Variants in TFB1M observed in about 807,000 individuals in gnomAD.
The protein encoded by TFB1M is dimethyladenosine transferase 1, mitochondrial.
Under a neutral mutation model 31.1 loss-of-function variants are expected in TFB1M, and 27 were observed. That is an observed-to-expected ratio of 0.87 (90% CI 0.64 to 1.20). TFB1M has a LOEUF of 1.20. Ranked by LOEUF, TFB1M falls within the 50% of genes most tolerant of loss-of-function variation. TFB1M has a pLI of 0.00. For synonymous variants in TFB1M, 166 were observed against 151.8 expected, an observed-to-expected ratio of 1.09 and a Z score of -0.69; for missense variants, 394 against 418.7, an observed-to-expected ratio of 0.94 and a Z score of 0.51.
In TFB1M at chr6:155,301,019, G is replaced by A. The variant is rs142415895; in HGVS notation, c.286-2434C>T. 2.4e-3 allele frequency among the ~76,000 whole-genome samples: 365 copies of A among 152,082 alleles called. 1 individual carries two copies. Among genetic ancestry groups the A allele is most frequent in the Admixed American group, 3.4e-3 (52 of 15,286 alleles). On this transcript the variant is annotated intron_variant, in intron 2 of 6. Coordinates refer to ENST00000367166, the MANE Select transcript of TFB1M (RefSeq NM_016020.4). ...GAGGTTTCACCATGTTGCCCAGGCT[G>A]GTCTCTAACACCTGACCTCAAGTGA...
chr6:155,269,056 T>A (rs1180076181), intron 5 of TFB1M, among the ~76,000 whole-genome samples: 1 of 149,600 alleles, frequency 6.7e-6, no homozygotes, highest in African/African-American at 2.5e-5. Flanking sequence ...CAACCCACAG[T>A]GGACTTTGCA....
At chr6:155,259,586 C>G (rs539242970) in intron 6 of TFB1M, among the ~76,000 whole-genome samples, 43 of 152,382 alleles carry the variant, frequency 2.8e-4, no homozygotes, top group Non-Finnish European at 5.3e-4. Context: ...GTGCCTCTCA[C>G]GCCGAGCCTC....
the TFB1M span, chr6:155,250,897 T>C: frequency 6.2e-7 from 1 of 1,612,102 alleles, no homozygotes; most frequent in Non-Finnish European, 8.5e-7. Flanking sequence ...CCTTACCTCC[T>C]GTTTTTACAA....
downstream of TFB1M, chr6:155,254,301 G>C: frequency 7.3e-7 from 1 of 1,370,496 alleles, no homozygotes; most frequent in East Asian, 2.4e-5. Flanking sequence ...CTGCTGCTGG[G>C]TGGCTGGCTG....
At position 155,257,011 on chromosome 6, in the gene TFB1M, G is replaced by A; in HGVS notation, c.*825C>T. 6.2e-7 allele frequency: 1 copy of A among 1,614,168 alleles called. No homozygotes were observed. Among genetic ancestry groups the A allele is most frequent in the Non-Finnish European group, 8.5e-7 (1 of 1,180,028 alleles). ...GTCCCTTGACAGTCAGTCTGAAAATGCCACCATCGACCTAAATTCTGTTCT... is the reference window on the plus strand; with the variant it reads ...GTCCCTTGACAGTCAGTCTGAAAATACCACCATCGACCTAAATTCTGTTCT... On this transcript the variant is annotated 3_prime_UTR_variant, in exon 7 of 7. Transcript: ENST00000367166.
In TFB1M at chr6:155,269,324, C is replaced by CTTTTTTTTTTTTTT. The variant is rs60162262; in HGVS notation, c.667-8938_667-8925dup. On this transcript the variant is annotated intron_variant, in intron 5 of 6. Coordinates refer to ENST00000367166, the MANE Select transcript of TFB1M (RefSeq NM_016020.4). ...GCTTAGTTTTCTTTTCTTTTCTTTT[C>CTTTTTTTTTTTTTT]TTTTTTTTTTTTTTTGAGATGGAGT... 5.4e-4 allele frequency among the ~76,000 whole-genome samples: 69 copies of CTTTTTTTTTTTTTT among 127,218 alleles called. 1 individual carries two copies. The highest frequency in any genetic ancestry group is 1.8e-3 in the East Asian group (8 of 4,342). 83.5% of individuals were successfully genotyped at this position (127,218 alleles called of 152,430 possible).
chr6:155,292,393 C>G (rs967562597), intron 4 of TFB1M, among the ~76,000 whole-genome samples: 1 of 152,168 alleles, frequency 6.6e-6, no homozygotes, highest in African/African-American at 2.4e-5. Context: ...GAGCACTGAT[C>G]TGCAGGTGCC....
chr6:155,245,859 T>C, the TFB1M span: 7 of 549,896 alleles, frequency 1.3e-5, no homozygotes, highest in Admixed American at 3.7e-5. Flanking sequence ...ATCCTTGACC[T>C]TGACAGTGGC....
chr6:155,299,227 T>C (rs1052374025), intron 2 of TFB1M, among the ~76,000 whole-genome samples: 2 of 152,126 alleles, frequency 1.3e-5, no homozygotes, highest in African/African-American at 2.4e-5. Flanking sequence ...TCCCAACCTA[T>C]TTCCACGTAC....
At chr6:155,243,598 G>A in the TFB1M span, among the ~76,000 whole-genome samples, 1 of 152,130 alleles carries the variant, frequency 6.6e-6, no homozygotes, top group Non-Finnish European at 1.5e-5. Flanking sequence ...TGTAATGCTA[G>A]CACTTTGGGA....
Position 155,294,521 on chromosome 6 carries a change from A to C in TFB1M, c.546+2432T>G, listed in dbSNP as rs76327704. On this transcript the variant is annotated intron_variant, in intron 4 of 6. Coordinates refer to ENST00000367166, the MANE Select transcript of TFB1M (RefSeq NM_016020.4). ...AAAGAAAGGTGAGCAAAAAGCATGCACTAAAAACAAGGAACTCAAAAAGGC... is the reference window on the plus strand; with the variant it reads ...AAAGAAAGGTGAGCAAAAAGCATGCCCTAAAAACAAGGAACTCAAAAAGGC... 3.3e-5 allele frequency among the ~76,000 whole-genome samples: 5 copies of C among 152,316 alleles called. No homozygotes were observed. The East Asian group carries it at 9.6e-4, about 29-fold the overall frequency.
the TFB1M span, among the ~76,000 whole-genome samples, chr6:155,233,192 C>T: frequency 2.0e-5 from 3 of 152,134 alleles, no homozygotes; most frequent in Non-Finnish European, 2.9e-5. Flanking sequence ...GTACCTACCC[C>T]GTAGTAGTTT....
chr6:155,258,204 G>T, intron 6 of TFB1M, 122 bp from the exon 7 acceptor site: 1 of 1,182,454 alleles, frequency 8.5e-7, no homozygotes, highest in Non-Finnish European at 1.2e-6. Flanking sequence ...CAGCTGGAGA[G>T]AGTGGCAGGA....
At chr6:155,260,650 A>T in intron 5 of TFB1M, 1 of 537,436 alleles carries the variant, frequency 1.9e-6, no homozygotes, top group Non-Finnish European at 3.4e-6. Context: ...CTTGATGGTC[A>T]CTTAATTTTA....
At chr6:155,245,552 C>T in the TFB1M span, 24 of 1,256,132 alleles carry the variant, frequency 1.9e-5, no homozygotes, top group Non-Finnish European at 2.4e-5. Flanking sequence ...GCCATGGGGC[C>T]GTCAAATGCC....
chr6:155,242,901 ATT>A, the TFB1M span, among the ~76,000 whole-genome samples: 4 of 131,834 alleles, frequency 3.0e-5, no homozygotes, highest in South Asian at 2.4e-4. Flanking sequence ...ACACCCAGCT[ATT>A]TTTTTTTTTT....
chr6:155,254,340 AG>A (rs1783865780), downstream of TFB1M: 2 of 1,556,016 alleles, frequency 1.3e-6, no homozygotes, highest in East Asian at 2.3e-5. Context: ...TGCAAGGCAC[AG>A]GAACACAGGC....
intron 4 of TFB1M, 60 bp downstream of exon 4, chr6:155,296,893 T>A: frequency 1.4e-6 from 2 of 1,451,014 alleles, no homozygotes; most frequent in Admixed American, 1.7e-5. Context: ...AATGCAGTAT[T>A]ATTATTTTGC....
the TFB1M span, among the ~76,000 whole-genome samples, chr6:155,237,323 G>A: frequency 1.9e-4 from 29 of 152,374 alleles, no homozygotes; most frequent in African/African-American, 6.7e-4. Context: ...CTCTGTCCCT[G>A]TGGCTTTAAA....
Sources: gnomAD v4.1 joint callset for allele counts (sites outside exome capture counted in the v4.1 genomes callset) on GRCh38, gnomAD v4.1.1 for gene constraint, MANE v1.5 for transcripts, NCBI Gene and HGNC (gene_info 2026-07-23, HGNC 2026-07-21) for gene names.